The following ROBO2 variants were observed in gnomAD, a reference collection of about 807,000 sequenced individuals.
The protein encoded by ROBO2 is roundabout guidance receptor 2.
In ROBO2, 53 loss-of-function variants were observed where a neutral mutation model predicts 160.8. That is an observed-to-expected ratio of 0.33 (90% CI 0.26 to 0.41). ROBO2 has a LOEUF of 0.41. ROBO2 is among the 10% of genes least tolerant of loss of function. The pLI is 1.00. For synonymous variants in ROBO2, 664 were observed against 611.7 expected (o/e 1.09, Z -1.26); for missense variants, 1,577 against 1,722.4 (o/e 0.92, Z 1.49).
intron 2 of ROBO2, among the ~76,000 whole-genome samples, chr3:77,472,156 A>C (rs1158502549): frequency 6.6e-6 from 1 of 152,154 alleles, no homozygotes; most frequent in Non-Finnish European, 1.5e-5. Flanking sequence ...AATCTTTTAT[A>C]AACTGATCTT....
chr3:77,073,154 T>A (rs979490431), intron 1 of ROBO2, among the ~76,000 whole-genome samples: 19 of 152,236 alleles, frequency 1.2e-4, no homozygotes, highest in Admixed American at 8.5e-4. Context: ...CAAAGGGGGC[T>A]AATAAATTGC....
chr3:76,449,083 C>T (rs1331789859), intron 2 of ROBO2, among the ~76,000 whole-genome samples: 2 of 152,098 alleles, frequency 1.3e-5, no homozygotes, highest in Non-Finnish European at 2.9e-5. Flanking sequence ...AGAGGAATAT[C>T]TTGACTTTTC....
intron 2 of ROBO2, among the ~76,000 whole-genome samples, chr3:77,143,515 T>G (rs2076887577): frequency 6.6e-6 from 1 of 152,048 alleles, no homozygotes; most frequent in African/African-American, 2.4e-5. Context: ...TTTTGAAATA[T>G]AATTCATGTA....
At chr3:77,485,369 G>T (rs1164825498) in intron 4 of ROBO2, among the ~76,000 whole-genome samples, 1 of 152,022 alleles carries the variant, frequency 6.6e-6, no homozygotes, top group Non-Finnish European at 1.5e-5. Context: ...ATCTCATGAT[G>T]CTCTTGAGAA....
intron 2 of ROBO2, among the ~76,000 whole-genome samples, chr3:76,276,272 A>T (rs534644317): frequency 6.6e-6 from 1 of 152,206 alleles, no homozygotes; most frequent in Non-Finnish European, 1.5e-5. Context: ...AGCAGAAATT[A>T]TGTTTCTGTT....
chr3:76,992,532 TCTCA>T (rs1222227974), intron 2 of ROBO2, among the ~76,000 whole-genome samples: 1 of 151,696 alleles, frequency 6.6e-6, no homozygotes, highest in African/African-American at 2.4e-5. Flanking sequence ...CATTCTGAGT[TCTCA>T]CTCCGTAATT....
intron 2 of ROBO2, among the ~76,000 whole-genome samples, chr3:76,242,270 G>T (rs1307032412): frequency 6.6e-6 from 1 of 152,134 alleles, no homozygotes. Flanking sequence ...AAACACAACT[G>T]CCCCCTTCTT....
chr3:76,049,485 C>G (rs112321094), intron 2 of ROBO2, among the ~76,000 whole-genome samples: 369 of 141,864 alleles, frequency 2.6e-3, no homozygotes, highest in Non-Finnish European at 4.6e-3. Flanking sequence ...CTCAAGTGAT[C>G]CGTCTCCCTC....
At chr3:76,170,854 A>G (rs150258490) in intron 2 of ROBO2, among the ~76,000 whole-genome samples, 7 of 152,328 alleles carry the variant, frequency 4.6e-5, no homozygotes, top group Non-Finnish European at 8.8e-5. Context: ...TGTAAGTTCA[A>G]AATACCCTGG....
At chr3:76,907,544 A>G (rs1290737462) in intron 2 of ROBO2, among the ~76,000 whole-genome samples, 1 of 152,022 alleles carries the variant, frequency 6.6e-6, no homozygotes, top group Non-Finnish European at 1.5e-5. Context: ...AACCAAGCTT[A>G]TTGGAGTAAC....
chr3:77,027,267 C>A (rs4312693), intron 2 of ROBO2, among the ~76,000 whole-genome samples: 102,930 of 151,960 alleles, frequency 0.68, 35,336 homozygotes, highest in African/African-American at 0.72. Context: ...TATTACAAAA[C>A]GAAATTTCAG....
At chr3:77,376,934 T>A (rs1307318457) in intron 2 of ROBO2, among the ~76,000 whole-genome samples, 2 of 152,220 alleles carry the variant, frequency 1.3e-5, no homozygotes, top group African/African-American at 2.4e-5. Context: ...CTGAAAATAA[T>A]CATGCTACAT....
At chr3:77,606,354 A>T (rs1331133190) in intron 20 of ROBO2, among the ~76,000 whole-genome samples, 1 of 152,204 alleles carries the variant, frequency 6.6e-6, no homozygotes, top group Non-Finnish European at 1.5e-5. Context: ...ATGTGCAAAA[A>T]TGTAGGCAGT....
intron 2 of ROBO2, among the ~76,000 whole-genome samples, chr3:76,707,559 C>A (rs1355105929): frequency 6.6e-6 from 1 of 151,740 alleles, no homozygotes; most frequent in Non-Finnish European, 1.5e-5. Flanking sequence ...AGGCTGGTGA[C>A]TCCTCCCTCT....
At chr3:77,528,687 G>C (rs1025907092) in intron 6 of ROBO2, among the ~76,000 whole-genome samples, 5 of 151,558 alleles carry the variant, frequency 3.3e-5, no homozygotes, top group African/African-American at 9.7e-5. Context: ...TATGTGAAAG[G>C]CATTCTGTAT....
intron 2 of ROBO2, chr3:77,316,926 C>G: frequency 1.6e-6 from 2 of 1,239,876 alleles, no homozygotes; most frequent in Non-Finnish European, 2.4e-6. Flanking sequence ...GAGGGTCAGT[C>G]TGATACTTGG....
chr3:76,878,631 C>T (rs1304742085), intron 2 of ROBO2, among the ~76,000 whole-genome samples: 1 of 152,098 alleles, frequency 6.6e-6, no homozygotes, highest in Non-Finnish European at 1.5e-5. Context: ...AAATTTTTGC[C>T]AACTAGCCGT....
intron 2 of ROBO2, among the ~76,000 whole-genome samples, chr3:77,183,646 C>T (rs770790686): frequency 8.6e-5 from 13 of 151,912 alleles, no homozygotes; most frequent in African/African-American, 3.1e-4. Flanking sequence ...TTGTGTCGGC[C>T]ACCCAGAATG....
intron 2 of ROBO2, among the ~76,000 whole-genome samples, chr3:76,685,152 C>T (rs2092657328): frequency 6.6e-6 from 1 of 150,888 alleles, no homozygotes; most frequent in Non-Finnish European, 1.5e-5. Flanking sequence ...GCCCTTTGTC[C>T]AGCCACCAAA....
Sources: gnomAD v4.1 joint callset for allele counts (sites outside exome capture counted in the v4.1 genomes callset) on GRCh38, gnomAD v4.1.1 for gene constraint, MANE v1.5 for transcripts, NCBI Gene and HGNC (gene_info 2026-07-23, HGNC 2026-07-21) for gene names.